Variants in DGCR2 observed in about 807,000 individuals in gnomAD.
DGCR2 encodes integral membrane protein DGCR2/IDD.
In DGCR2, 24 loss-of-function variants were observed where a neutral mutation model predicts 51.6. The ratio of observed to expected loss-of-function variants is 0.47; its 90% CI spans 0.34 to 0.65. The LOEUF (loss-of-function observed/expected upper bound fraction) is 0.65. Among genes scored for constraint, DGCR2 ranks in the 30% least tolerant of loss-of-function variants. The pLI, the probability that DGCR2 is intolerant of heterozygous loss-of-function variation, is 0.01. For synonymous variants in DGCR2, 340 were observed against 315.4 expected (o/e 1.08, Z -0.82); for missense variants, 765 against 772.1 (o/e 0.99, Z 0.11).
At chr22:19,050,356 T>C (rs947526702) in intron 6 of DGCR2, among the ~76,000 whole-genome samples, 2 of 152,216 alleles carry the variant, frequency 1.3e-5, no homozygotes, top group African/African-American at 2.4e-5. Flanking sequence ...CCAAGATCCA[T>C]ATCCAGCAAA....
chr22:19,062,673 GC>G (rs1047899304), intron 5 of DGCR2, among the ~76,000 whole-genome samples: 1 of 151,612 alleles, frequency 6.6e-6, no homozygotes. Flanking sequence ...CCAAGTCCGA[GC>G]CCAGGGAATG....
At chr22:19,074,223 G>C (rs1055127440) in intron 2 of DGCR2, among the ~76,000 whole-genome samples, 1 of 151,976 alleles carries the variant, frequency 6.6e-6, no homozygotes, top group Non-Finnish European at 1.5e-5. Context: ...TCAAGAGTTC[G>C]AGACTAGCCT....
intron 1 of DGCR2, among the ~76,000 whole-genome samples, chr22:19,094,152 G>A (rs529504526): frequency 2.6e-5 from 4 of 152,374 alleles, no homozygotes; most frequent in East Asian, 1.9e-4. Flanking sequence ...AAAAGGTGGG[G>A]CACGGCGGCC....
intron 3 of DGCR2, among the ~76,000 whole-genome samples, chr22:19,067,713 T>C (rs2082765085): frequency 6.6e-6 from 1 of 151,740 alleles, no homozygotes; most frequent in Admixed American, 6.6e-5. Context: ...AATAAATAAA[T>C]AAATAAATAA....
At chr22:19,066,406 A>G (rs1182691628) in intron 3 of DGCR2, among the ~76,000 whole-genome samples, 3 of 151,646 alleles carry the variant, frequency 2.0e-5, no homozygotes, top group African/African-American at 4.8e-5. Flanking sequence ...ACCCTGTCTG[A>G]AAAAAAACAA....
In DGCR2 at chr22:19,109,463, A is replaced by T. The variant is rs183601796; in HGVS notation, c.79+12665T>A. On this transcript the variant is annotated intron_variant, in intron 1 of 9. Coordinates refer to ENST00000263196, the MANE Select transcript of DGCR2 (RefSeq NM_005137.3). ...AGTGGAATACAACTCAGCCTTAAAA[A>T]GAAGTTCTGACACATGCTACAACAT... Among the ~76,000 whole-genome samples the T allele has an allele frequency of 2.0e-5, 3 of 152,374 alleles. No individual in the cohort carries two copies. In the East Asian group the frequency reaches 5.8e-4, roughly 29 times the overall value.
intron 1 of DGCR2, among the ~76,000 whole-genome samples, chr22:19,103,703 C>G (rs1397249170): frequency 1.5e-5 from 2 of 131,926 alleles, no homozygotes; most frequent in East Asian, 2.3e-4. Context: ...GTTGGGATTA[C>G]AGGCGTGAGC....
chr22:19,109,187 T>C (rs2083289849), intron 1 of DGCR2, among the ~76,000 whole-genome samples: 1 of 152,158 alleles, frequency 6.6e-6, no homozygotes, highest in Non-Finnish European at 1.5e-5. Context: ...ATGTACATCG[T>C]TGGTAGGAAT....
chr22:19,063,233 G>T lies in DGCR2; in HGVS notation c.594C>A (p.Ser198=), dbSNP rs749724121. 1.2e-6 allele frequency: 2 copies of T among 1,614,216 alleles called. No homozygotes were observed. Among genetic ancestry groups the T allele is most frequent in the Admixed American group, 1.7e-5 (1 of 60,032 alleles). ...YQYVITGRNR[S]LEGRWEVAFK... ...ATGCCACCTCCCAGCGACCTTCCAA[G>T]GAGCGGTTCCGGCCAGTGATAACAT... Residue 198 remains serine (S), a synonymous_variant, in exon 5 of 10, where the codon TCC becomes TCA. Coordinates refer to ENST00000263196, the MANE Select transcript of DGCR2 (RefSeq NM_005137.3).
intron 1 of DGCR2, among the ~76,000 whole-genome samples, chr22:19,117,961 G>C (rs1411209934): frequency 6.6e-6 from 1 of 152,162 alleles, no homozygotes; most frequent in African/African-American, 2.4e-5. Flanking sequence ...GGCAAGGCTA[G>C]GTGCAAGCTC....
intron 5 of DGCR2, chr22:19,060,693 C>G (rs1162695590): frequency 3.4e-6 from 1 of 294,164 alleles, no homozygotes; most frequent in Non-Finnish European, 6.8e-6. Flanking sequence ...TTACAGAAAT[C>G]CTGGCCTCAT....
chr22:19,058,504 G>A (rs1484339675), intron 5 of DGCR2, among the ~76,000 whole-genome samples: 1 of 152,034 alleles, frequency 6.6e-6, no homozygotes, highest in Non-Finnish European at 1.5e-5. Context: ...CCGAGCCCCT[G>A]CACACCCTCC....
intron 2 of DGCR2, among the ~76,000 whole-genome samples, chr22:19,077,544 T>C (rs2082891818): frequency 6.6e-6 from 1 of 152,242 alleles, no homozygotes; most frequent in East Asian, 1.9e-4. Context: ...CATTGGTCTA[T>C]ATGTCTGTCT....
At chr22:19,089,062 C>A (rs118096274) in intron 2 of DGCR2, among the ~76,000 whole-genome samples, 4,240 of 152,192 alleles carry the variant, frequency 0.028, 95 homozygotes, top group African/African-American at 0.057. Context: ...AGGTGCCACC[C>A]CTCAGGAGGG....
chr22:19,075,304 G>A (rs371027825), intron 2 of DGCR2, among the ~76,000 whole-genome samples: 19 of 152,110 alleles, frequency 1.2e-4, no homozygotes, highest in African/African-American at 1.9e-4. Context: ...AAAATTAGCC[G>A]GGCGTGGTGG....
At chr22:19,094,843 T>C (rs2083120857) in intron 1 of DGCR2, among the ~76,000 whole-genome samples, 1 of 152,146 alleles carries the variant, frequency 6.6e-6, no homozygotes, top group Non-Finnish European at 1.5e-5. Context: ...TGGATGAATC[T>C]CAAAATAATT....
At chr22:19,062,165 A>C (rs2082670692) in intron 5 of DGCR2, among the ~76,000 whole-genome samples, 2 of 152,226 alleles carry the variant, frequency 1.3e-5, no homozygotes, top group South Asian at 4.1e-4. Flanking sequence ...ATAGCAATCT[A>C]AACAATGCAC....
At chr22:19,068,008 A>AC in intron 3 of DGCR2, 92 bp downstream of exon 3, 1 of 1,415,332 alleles carries the variant, frequency 7.1e-7, no homozygotes. Flanking sequence ...GCTTTGAGAA[A>AC]CCCCTCACGC....
At chr22:19,066,014 CT>C (rs1224912456) in intron 3 of DGCR2, 4 of 152,230 alleles carry the variant, frequency 2.6e-5, no homozygotes, top group African/African-American at 7.2e-5. Flanking sequence ...AGGGGCACCC[CT>C]AGCCCCTAAG....
Sources: gnomAD v4.1 joint callset for allele counts (sites outside exome capture counted in the v4.1 genomes callset) on GRCh38, gnomAD v4.1.1 for gene constraint, MANE v1.5 for transcripts, NCBI Gene and HGNC (gene_info 2026-07-23, HGNC 2026-07-21) for gene names.